The following REC114 variants were observed in gnomAD, a reference collection of about 807,000 sequenced individuals.
REC114 encodes the protein meiotic recombination protein REC114.
REC114 carries 27 observed loss-of-function variants against 31.3 expected under a neutral mutation model. The ratio of observed to expected loss-of-function variants is 0.86; its 90% CI spans 0.64 to 1.19. The LOEUF (loss-of-function observed/expected upper bound fraction) is 1.19, where lower values mean the gene tolerates loss of function less well. Ranked by LOEUF, REC114 falls within the 50% of genes most tolerant of loss-of-function variation. The pLI, the probability that REC114 is intolerant of heterozygous loss-of-function variation, is 0.00. For missense variants in REC114, 344 were observed against 326.9 expected (o/e 1.05, Z -0.40); for synonymous variants, 134 against 127.7 (o/e 1.05, Z -0.33).
chr15:73,486,503 A>G (rs1012635724), intron 2 of REC114, among the ~76,000 whole-genome samples: 3 of 152,066 alleles, frequency 2.0e-5, no homozygotes, highest in African/African-American at 7.2e-5. Context: ...TCTTTTACCC[A>G]TTGGGCTCAA....
chr15:73,448,777 C>G (rs746750642), intron 1 of REC114, among the ~76,000 whole-genome samples: 19 of 152,190 alleles, frequency 1.2e-4, no homozygotes, highest in Admixed American at 5.2e-4. Flanking sequence ...GGGTGCCCCT[C>G]TGGGACAAAG....
intron 1 of REC114, among the ~76,000 whole-genome samples, chr15:73,473,344 A>G (rs1165781858): frequency 1.3e-5 from 2 of 151,546 alleles, no homozygotes; most frequent in Non-Finnish European, 2.9e-5. Context: ...AGCCGAGATC[A>G]CACCATTGCA....
intron 2 of REC114, among the ~76,000 whole-genome samples, chr15:73,494,625 A>G (rs1893492904): frequency 6.6e-6 from 1 of 152,190 alleles, no homozygotes; most frequent in African/African-American, 2.4e-5. Flanking sequence ...GATAACAGTT[A>G]TGCAGCTTTC....
chr15:73,510,348 A>ACAATG (rs1294372353), intron 2 of REC114, among the ~76,000 whole-genome samples: 1 of 152,214 alleles, frequency 6.6e-6, no homozygotes, highest in Non-Finnish European at 1.5e-5. Context: ...TTGGGCTGAG[A>ACAATG]CAATGGGGTT....
chr15:73,556,969 T>A (rs2141339252), intron 5 of REC114, among the ~76,000 whole-genome samples: 1 of 151,852 alleles, frequency 6.6e-6, no homozygotes, highest in South Asian at 2.1e-4. Flanking sequence ...GGACTTTGTC[T>A]CCCCCTCACT....
chr15:73,461,695 T>C (rs1892988845), intron 1 of REC114, among the ~76,000 whole-genome samples: 1 of 152,080 alleles, frequency 6.6e-6, no homozygotes, highest in Admixed American at 6.5e-5. Flanking sequence ...TGTATAAGCT[T>C]GTGATAGGGA....
intron 1 of REC114, among the ~76,000 whole-genome samples, chr15:73,467,542 A>C (rs1341468132): frequency 6.6e-6 from 1 of 152,244 alleles, no homozygotes; most frequent in East Asian, 1.9e-4. Context: ...AATGAAGTTC[A>C]AGTTCAGAGA....
At chr15:73,476,629 C>G (rs182168188) in intron 2 of REC114, among the ~76,000 whole-genome samples, 13 of 152,260 alleles carry the variant, frequency 8.5e-5, no homozygotes, top group Non-Finnish European at 1.8e-4. Flanking sequence ...GTAATGGAAT[C>G]ATATGATATG....
chr15:73,550,395 C>G (rs181977563), intron 3 of REC114, among the ~76,000 whole-genome samples: 1 of 152,264 alleles, frequency 6.6e-6, no homozygotes, highest in Non-Finnish European at 1.5e-5. Flanking sequence ...GTATGGTAGT[C>G]TGGCCTCTTT....
At chr15:73,524,786 A>G (rs1893984009) in intron 2 of REC114, among the ~76,000 whole-genome samples, 1 of 152,076 alleles carries the variant, frequency 6.6e-6, no homozygotes, top group Admixed American at 6.6e-5. Context: ...TTGAATAGAA[A>G]TGGGGTTTTG....
chr15:73,490,435 G>A (rs751724677), intron 2 of REC114, among the ~76,000 whole-genome samples: 8 of 152,116 alleles, frequency 5.3e-5, no homozygotes, highest in Admixed American at 2.6e-4. Context: ...GTATCTGGGC[G>A]CAGTGGCCCA....
At chr15:73,539,543 G>T (rs1894211575) in intron 2 of REC114, among the ~76,000 whole-genome samples, 1 of 143,842 alleles carries the variant, frequency 7.0e-6, no homozygotes, top group African/African-American at 2.6e-5. Flanking sequence ...TATGAAAGTT[G>T]CAACTTTCAC....
At chr15:73,461,905 CTTTTTCTTTTTCTTTTCTT>C (rs1567851929) in intron 1 of REC114, among the ~76,000 whole-genome samples, 2 of 78,242 alleles carry the variant, frequency 2.6e-5, no homozygotes, top group Non-Finnish European at 3.1e-5. Context: ...TAACATTTTT[CTTTTTCTTTTTCTTTTCTT>C]TTTTTTTTTT....
intron 2 of REC114, among the ~76,000 whole-genome samples, chr15:73,491,528 G>A (rs1893447115): frequency 6.6e-6 from 1 of 152,162 alleles, no homozygotes; most frequent in South Asian, 2.1e-4. Flanking sequence ...CCTTAGAGTA[G>A]AATTATTGGG....
chr15:73,552,180 A>G (rs1348029744), intron 4 of REC114, among the ~76,000 whole-genome samples: 1 of 152,184 alleles, frequency 6.6e-6, no homozygotes, highest in Admixed American at 6.5e-5. Flanking sequence ...ACTTTAAGCA[A>G]CTCACTCGTT....
chr15:73,453,503 G>A (rs1227464920), intron 1 of REC114, among the ~76,000 whole-genome samples: 1 of 152,098 alleles, frequency 6.6e-6, no homozygotes, highest in East Asian at 1.9e-4. Flanking sequence ...AAATAGGAAC[G>A]CTTTTATACT....
chr15:73,445,231 G>A (rs1467344039), intron 1 of REC114, among the ~76,000 whole-genome samples: 1 of 152,200 alleles, frequency 6.6e-6, no homozygotes, highest in African/African-American at 2.4e-5. Flanking sequence ...AAGCTTTGAA[G>A]CCAGGCATTG....
intron 2 of REC114, among the ~76,000 whole-genome samples, chr15:73,507,635 A>ATGGGTACACATGTATGTGTACATG (rs1264651918): frequency 6.6e-6 from 1 of 152,182 alleles, no homozygotes; most frequent in African/African-American, 2.4e-5. Context: ...GACACTATAT[A>ATGGGTACACATGTATGTGTACATG]TGGGTACACA....
At chr15:73,500,164 C>G (rs1328097491) in intron 2 of REC114, among the ~76,000 whole-genome samples, 1 of 152,086 alleles carries the variant, frequency 6.6e-6, no homozygotes, top group Non-Finnish European at 1.5e-5. Context: ...TATAATTCCT[C>G]ATTTACCTGT....
Sources: gnomAD v4.1 joint callset for allele counts (sites outside exome capture counted in the v4.1 genomes callset) on GRCh38, gnomAD v4.1.1 for gene constraint, MANE v1.5 for transcripts, NCBI Gene and HGNC (gene_info 2026-07-23, HGNC 2026-07-21) for gene names.